SH3GL2: variants seen among roughly 807,000 people sequenced by gnomAD.
The protein encoded by SH3GL2 is SH3 domain containing GRB2 like 2, endophilin A1.
In SH3GL2, 24 loss-of-function variants were observed where a neutral mutation model predicts 46.0. The ratio of observed to expected loss-of-function variants is 0.52; its 90% confidence interval spans 0.38 to 0.73. The LOEUF (loss-of-function observed/expected upper bound fraction) is 0.73, where lower values mean the gene tolerates loss of function less well. SH3GL2 is among the 30% of genes least tolerant of loss of function. The pLI is 0.00. For missense variants in SH3GL2, 413 were observed against 424.2 expected (o/e 0.97, Z 0.23); for synonymous variants, 196 against 147.1 (o/e 1.33, Z -2.40).
chr9:17,622,027 T>G (rs1044636840), intron 1 of SH3GL2, among the ~76,000 whole-genome samples: 1 of 152,214 alleles, frequency 6.6e-6, no homozygotes, highest in South Asian at 2.1e-4. Context: ...AGCCAGGAGA[T>G]CTGTCTTCTT....
chr9:17,778,063 A>C (rs9406724), intron 3 of SH3GL2, among the ~76,000 whole-genome samples: 17,674 of 152,044 alleles, frequency 0.12, 1,141 homozygotes, highest in Admixed American at 0.15. Flanking sequence ...CTTGGTTAAC[A>C]TACTTCCATA....
At position 17,582,722 on chromosome 9, in the gene SH3GL2, A is replaced by C. The variant is rs541442273; in HGVS notation, c.45+3435A>C. ...GAAATACATTGTTTCCCACTTCTTG[A>C]GACAAGCACACTTGAAGTCTGAGAC... On this transcript the variant is annotated intron_variant, in intron 1 of 8. Transcript: ENST00000380607. Among the ~76,000 whole-genome samples, 3 of 152,356 alleles carry C rather than the reference A, an allele frequency of 2.0e-5. No homozygotes were observed. The East Asian group carries it at 5.8e-4, about 29-fold the overall frequency.
At chr9:17,700,568 C>G (rs1034535292) in intron 1 of SH3GL2, among the ~76,000 whole-genome samples, 3 of 152,096 alleles carry the variant, frequency 2.0e-5, no homozygotes, top group Non-Finnish European at 4.4e-5. Flanking sequence ...ATTTTCTTAT[C>G]TTTTGTTCTT....
intron 1 of SH3GL2, among the ~76,000 whole-genome samples, chr9:17,593,763 GT>G (rs1818524830): frequency 6.6e-6 from 1 of 152,198 alleles, no homozygotes; most frequent in Non-Finnish European, 1.5e-5. Flanking sequence ...AGGTAGACAT[GT>G]TCTTTAAGAG....
At chr9:17,663,592 ACT>A (rs1820274599) in intron 1 of SH3GL2, among the ~76,000 whole-genome samples, 1 of 152,024 alleles carries the variant, frequency 6.6e-6, no homozygotes, top group East Asian at 1.9e-4. Flanking sequence ...TTGTTCTGTG[ACT>A]CTAGTCCGTT....
intron 1 of SH3GL2, among the ~76,000 whole-genome samples, chr9:17,581,170 C>G (rs10435770): frequency 0.46 from 69,472 of 152,022 alleles, 17,567 homozygotes; most frequent in African/African-American, 0.69. Flanking sequence ...GTTACCCAAG[C>G]TAGACCTTTT....
At chr9:17,668,064 A>G (rs1036562302) in intron 1 of SH3GL2, among the ~76,000 whole-genome samples, 1 of 152,070 alleles carries the variant, frequency 6.6e-6, no homozygotes, top group Non-Finnish European at 1.5e-5. Flanking sequence ...AGCTGCAAAT[A>G]TTTTCTCCCA....
At chr9:17,628,442 G>C (rs866478467) in intron 1 of SH3GL2, among the ~76,000 whole-genome samples, 1 of 135,420 alleles carries the variant, frequency 7.4e-6, no homozygotes, top group Admixed American at 7.3e-5. Context: ...GTGTGTGTGT[G>C]TGTGTGTGTG....
intron 1 of SH3GL2, among the ~76,000 whole-genome samples, chr9:17,625,501 C>T (rs1361374952): frequency 6.6e-6 from 1 of 152,180 alleles, no homozygotes; most frequent in African/African-American, 2.4e-5. Flanking sequence ...TCATGGGATC[C>T]TCTGGACAAT....
chr9:17,782,768 T>C (rs1339786646), intron 3 of SH3GL2, among the ~76,000 whole-genome samples: 1 of 152,036 alleles, frequency 6.6e-6, no homozygotes, highest in Non-Finnish European at 1.5e-5. Context: ...TTATAAAAAA[T>C]TAAAATGTTT....
At chr9:17,763,094 G>A (rs1823224568) in intron 3 of SH3GL2, among the ~76,000 whole-genome samples, 1 of 152,150 alleles carries the variant, frequency 6.6e-6, no homozygotes, top group Non-Finnish European at 1.5e-5. Context: ...CTAGGTATAT[G>A]AGGCATTGTC....
At chr9:17,684,914 A>G (rs1235154511) in intron 1 of SH3GL2, among the ~76,000 whole-genome samples, 1 of 152,154 alleles carries the variant, frequency 6.6e-6, no homozygotes, top group African/African-American at 2.4e-5. Context: ...ATCAATGGAA[A>G]TGAAGATAAG....
At chr9:17,685,345 T>C (rs958791968) in intron 1 of SH3GL2, among the ~76,000 whole-genome samples, 4 of 152,082 alleles carry the variant, frequency 2.6e-5, no homozygotes, top group South Asian at 4.1e-4. Flanking sequence ...TTGAGGACTT[T>C]CGGTTGATTG....
chr9:17,625,784 A>C (rs1278749251), intron 1 of SH3GL2, among the ~76,000 whole-genome samples: 1 of 152,102 alleles, frequency 6.6e-6, no homozygotes, highest in Admixed American at 6.5e-5. Context: ...CTTCCTTCTT[A>C]ATCAGTTTCC....
intron 1 of SH3GL2, among the ~76,000 whole-genome samples, chr9:17,691,937 A>G (rs1821089238): frequency 6.6e-6 from 1 of 152,170 alleles, no homozygotes; most frequent in South Asian, 2.1e-4. Flanking sequence ...AACAGAAGAA[A>G]TGGAAGACGA....
chr9:17,765,967 G>C (rs1185041280), intron 3 of SH3GL2, among the ~76,000 whole-genome samples: 1 of 152,174 alleles, frequency 6.6e-6, no homozygotes, highest in African/African-American at 2.4e-5. Flanking sequence ...AAAGTAGGAG[G>C]AAAAATTCTT....
At chr9:17,586,281 A>G (rs956326616) in intron 1 of SH3GL2, among the ~76,000 whole-genome samples, 20 of 152,210 alleles carry the variant, frequency 1.3e-4, no homozygotes, top group African/African-American at 4.3e-4. Flanking sequence ...AGCTGTCTGT[A>G]ATACTCGTGA....
chr9:17,736,251 T>C (rs1347198529), intron 1 of SH3GL2, among the ~76,000 whole-genome samples: 1 of 152,174 alleles, frequency 6.6e-6, no homozygotes, highest in African/African-American at 2.4e-5. Context: ...TTTTAAATTT[T>C]TTGATTTAGA....
intron 1 of SH3GL2, among the ~76,000 whole-genome samples, chr9:17,696,315 A>G (rs879601691): frequency 9.9e-5 from 15 of 152,200 alleles, no homozygotes; most frequent in Non-Finnish European, 2.1e-4. Context: ...CCTTGAAGCT[A>G]ATTGACTGTG....
Sources: gnomAD v4.1 joint callset for allele counts (sites outside exome capture counted in the v4.1 genomes callset) on GRCh38, gnomAD v4.1.1 for gene constraint, MANE v1.5 for transcripts, NCBI Gene and HGNC (gene_info 2026-07-23, HGNC 2026-07-21) for gene names.